GRID1: variants seen among roughly 807,000 people sequenced by gnomAD.
GRID1 encodes the protein glutamate ionotropic receptor delta type subunit 1.
Under a neutral mutation model 98.0 loss-of-function variants are expected in GRID1, and 28 were observed. That is an observed-to-expected ratio of 0.29 (90% confidence interval 0.21 to 0.39). GRID1 has a LOEUF of 0.39. Ranked by LOEUF, GRID1 falls within the 10% of genes least tolerant of loss-of-function variation. GRID1 has a pLI of 1.00. For missense variants in GRID1, 1,111 were observed against 1,340.5 expected, an observed-to-expected ratio of 0.83 and a Z score of 2.67; for synonymous variants, 553 against 538.5, an observed-to-expected ratio of 1.03 and a Z score of -0.37.
At chr10:86,144,350 T>C (rs925041242) in intron 3 of GRID1, among the ~76,000 whole-genome samples, 4 of 152,104 alleles carry the variant, frequency 2.6e-5, no homozygotes, top group South Asian at 4.2e-4. Context: ...TGATGCATCT[T>C]TGACATCAAA....
At chr10:85,670,992 T>G (rs927471641) in intron 12 of GRID1, among the ~76,000 whole-genome samples, 1 of 152,168 alleles carries the variant, frequency 6.6e-6, no homozygotes, top group East Asian at 1.9e-4. Context: ...ATCCTCTTTT[T>G]CTAAAACCAG....
chr10:85,823,502 G>T (rs1265779819), intron 8 of GRID1, among the ~76,000 whole-genome samples: 1 of 151,966 alleles, frequency 6.6e-6, no homozygotes, highest in Admixed American at 6.6e-5. Context: ...TAACATGTGG[G>T]TCATGCTTAA....
intron 4 of GRID1, among the ~76,000 whole-genome samples, chr10:85,974,912 ATGAGCATGGCC>A (rs1167789365): frequency 3.3e-5 from 5 of 152,240 alleles, no homozygotes; most frequent in Non-Finnish European, 7.3e-5. Flanking sequence ...GGTGTGGGCC[ATGAGCATGGCC>A]TAAAGCCTTC....
intron 2 of GRID1, among the ~76,000 whole-genome samples, chr10:86,315,130 A>T (rs1301885065): frequency 1.3e-5 from 2 of 152,152 alleles, no homozygotes; most frequent in African/African-American, 4.8e-5. Flanking sequence ...AGTCACCTTC[A>T]GACTCCTCAT....
At chr10:85,794,041 CG>C (rs1448089445) in intron 8 of GRID1, among the ~76,000 whole-genome samples, 2 of 152,116 alleles carry the variant, frequency 1.3e-5, no homozygotes, top group African/African-American at 4.8e-5. Flanking sequence ...TAGTTCTCTC[CG>C]GGGTCTTTCC....
chr10:85,902,947 T>A lies in GRID1; in HGVS notation c.780+13239A>T, dbSNP rs1218487053. Among the ~76,000 whole-genome samples, 3 of 152,286 alleles carry A rather than the reference T, an allele frequency of 2.0e-5. No homozygotes were observed. The South Asian group carries it at 6.2e-4, about 32-fold the overall frequency. On this transcript the variant is annotated intron_variant, in intron 5 of 15. Transcript: ENST00000327946. ...CACCTCAGGCTGCTCCTGGTCAGCA[T>A]CCATGGTGAGTTTCTCCTCCTTTCT...
chr10:85,894,236 G>A (rs1055339608), intron 5 of GRID1, among the ~76,000 whole-genome samples: 8 of 152,078 alleles, frequency 5.3e-5, no homozygotes, highest in African/African-American at 1.9e-4. Context: ...AATGGCTGGT[G>A]CTGGAAAAAT....
At chr10:85,807,533 T>G (rs576485913) in intron 8 of GRID1, among the ~76,000 whole-genome samples, 1 of 152,024 alleles carries the variant, frequency 6.6e-6, no homozygotes, top group African/African-American at 2.4e-5. Context: ...CATTAATCAG[T>G]TAGAAAGAGA....
chr10:85,917,862 G>A lies in GRID1; in HGVS notation c.727-1623C>T, dbSNP rs188089788. Among the ~76,000 whole-genome samples the A allele has an allele frequency of 1.4e-3, 206 of 152,344 alleles. 1 individual carries two copies. Among genetic ancestry groups the A allele is most frequent in the Non-Finnish European group, 2.0e-3 (139 of 68,028 alleles). On this transcript the variant is annotated intron_variant, in intron 4 of 15. Coordinates refer to ENST00000327946, the MANE Select transcript of GRID1 (RefSeq NM_017551.3). The stretch of plus-strand genomic sequence containing the variant: ...CTCCAGAGAAGCTGCAAGGGCTAAA[G>A]AGCCAGAGCTCAAAGGAATCTTCAG...
intron 2 of GRID1, among the ~76,000 whole-genome samples, chr10:86,306,318 G>A (rs1847758289): frequency 1.3e-5 from 2 of 152,232 alleles, no homozygotes; most frequent in African/African-American, 2.4e-5. Flanking sequence ...ATGGGCTCTG[G>A]TGGCTTATAC....
At chr10:86,071,847 G>C (rs1052007799) in intron 4 of GRID1, among the ~76,000 whole-genome samples, 3 of 152,078 alleles carry the variant, frequency 2.0e-5, no homozygotes, top group Non-Finnish European at 4.4e-5. Context: ...AACTGCCCCA[G>C]CCAGTGGGAG....
At chr10:85,992,300 A>G (rs1842689685) in intron 4 of GRID1, among the ~76,000 whole-genome samples, 1 of 152,150 alleles carries the variant, frequency 6.6e-6, no homozygotes, top group Non-Finnish European at 1.5e-5. Context: ...CTACAGCAAC[A>G]CTCAGCACTC....
At chr10:86,339,520 C>T (rs1848278794) in intron 2 of GRID1, among the ~76,000 whole-genome samples, 1 of 152,248 alleles carries the variant, frequency 6.6e-6, no homozygotes, top group Non-Finnish European at 1.5e-5. Context: ...GCAGGATGCA[C>T]ACCGAGGAAG....
chr10:86,288,705 G>A (rs555567346), intron 2 of GRID1, among the ~76,000 whole-genome samples: 13 of 152,284 alleles, frequency 8.5e-5, no homozygotes, highest in Admixed American at 3.9e-4. Context: ...ACCTCAAAGC[G>A]GCAGCACTCA....
intron 2 of GRID1, among the ~76,000 whole-genome samples, chr10:86,349,178 C>G (rs1414399197): frequency 6.6e-6 from 1 of 152,330 alleles, no homozygotes; most frequent in East Asian, 1.9e-4. Flanking sequence ...GGCCAGGGAC[C>G]CTTTCCCCTG....
Position 86,109,042 on chromosome 10 carries a change from G to A in GRID1, c.726+29777C>T, listed in dbSNP as rs142044409. On this transcript the variant is annotated intron_variant, in intron 4 of 15. Transcript: ENST00000327946. ...CCACATTAAAGAAACCCAAACATTCGTTCCACCTTCCCTTCATCGACCTTT... is the reference window on the plus strand; with the variant it reads ...CCACATTAAAGAAACCCAAACATTCATTCCACCTTCCCTTCATCGACCTTT... Among the ~76,000 whole-genome samples, 128 of 152,198 alleles carry A rather than the reference G, an allele frequency of 8.4e-4. No homozygotes were observed. The East Asian group carries it at 0.019, about 22-fold the overall frequency.
intron 2 of GRID1, among the ~76,000 whole-genome samples, chr10:86,281,550 G>T (rs562900587): frequency 6.6e-6 from 1 of 152,186 alleles, no homozygotes; most frequent in African/African-American, 2.4e-5. Context: ...TCAGCATGGG[G>T]AACTATGGCC....
intron 2 of GRID1, among the ~76,000 whole-genome samples, chr10:86,260,168 T>C (rs753341585): frequency 3.3e-5 from 5 of 152,184 alleles, no homozygotes; most frequent in Admixed American, 6.5e-5. Flanking sequence ...AACAGGGAAA[T>C]CTGAGTACCA....
intron 4 of GRID1, among the ~76,000 whole-genome samples, chr10:86,018,868 C>T (rs137969563): frequency 1.5e-3 from 230 of 152,326 alleles, no homozygotes; most frequent in Admixed American, 5.7e-3. Flanking sequence ...TCTTTTTTCT[C>T]ATGATGCAAC....
Sources: gnomAD v4.1 joint callset for allele counts (sites outside exome capture counted in the v4.1 genomes callset) on GRCh38, gnomAD v4.1.1 for gene constraint, MANE v1.5 for transcripts, NCBI Gene and HGNC (gene_info 2026-07-23, HGNC 2026-07-21) for gene names.